Variants in CEP95 observed in about 807,000 individuals in gnomAD.
The protein encoded by CEP95 is centrosomal protein of 95 kDa.
In CEP95, 98 loss-of-function variants were observed where a neutral mutation model predicts 111.2. That is an observed-to-expected ratio of 0.88 (90% CI 0.75 to 1.04). The LOEUF (loss-of-function observed/expected upper bound fraction) is 1.04, where lower values mean the gene tolerates loss of function less well. CEP95 is among the 50% of genes least tolerant of loss of function. The pLI is 0.00. For synonymous variants in CEP95, 323 were observed against 327.1 expected, an observed-to-expected ratio of 0.99 and a Z score of 0.14; for missense variants, 1,027 against 977.2, an observed-to-expected ratio of 1.05 and a Z score of -0.68.
At chr17:64,511,251 C>T (rs1454266915) in intron 3 of CEP95, among the ~76,000 whole-genome samples, 2 of 152,168 alleles carry the variant, frequency 1.3e-5, no homozygotes, top group African/African-American at 2.4e-5. Flanking sequence ...AGCAACCTGT[C>T]TGACCAAAAT....
intron 7 of CEP95, among the ~76,000 whole-genome samples, chr17:64,522,070 C>G: frequency 6.6e-6 from 1 of 152,108 alleles, no homozygotes; most frequent in South Asian, 2.1e-4. Flanking sequence ...CCAGGCTGGT[C>G]TCGAACTCAT....
chr17:64,530,015 A>G (rs1353582109), intron 12 of CEP95, among the ~76,000 whole-genome samples: 1 of 152,240 alleles, frequency 6.6e-6, no homozygotes, highest in Non-Finnish European at 1.5e-5. Flanking sequence ...CACTCAGGAG[A>G]GTATCAAAAT....
Position 64,536,632 on chromosome 17 carries a change from AACATTCAAAAGC to A in CEP95, c.2103_2114del (p.Asn701_Gln705delinsLys). On this transcript the variant is annotated inframe_deletion, in exon 18 of 20. Coordinates refer to ENST00000556440, the MANE Select transcript of CEP95 (RefSeq NM_138363.3). ...TAAGAAACTGTTTGAAGAAGGTTTA[AACATTCAAAAGC>A]AAAGATTACGAGACCTAAGAAACTA... 1 of 1,603,772 alleles carries A rather than the reference AACATTCAAAAGC, an allele frequency of 6.2e-7. No homozygotes were observed. Among genetic ancestry groups the A allele is most frequent in the South Asian group, 1.1e-5 (1 of 88,528 alleles).
At chr17:64,528,563 A>C (rs2144504863) in intron 11 of CEP95, among the ~76,000 whole-genome samples, 1 of 152,360 alleles carries the variant, frequency 6.6e-6, no homozygotes, top group South Asian at 2.1e-4. Flanking sequence ...AGTTTTTAAA[A>C]ATACATCTTA....
Position 64,507,015 on chromosome 17 carries a change from T to C in CEP95, c.-83T>C. 6.6e-7 allele frequency: 1 copy of C among 1,506,148 alleles called. No homozygotes were observed. The highest frequency in any genetic ancestry group is 9.0e-7 in the Non-Finnish European group (1 of 1,106,612). The allele number at this position is 1,506,148 out of a possible 1,614,324, so 93.3% of individuals were successfully genotyped here. On this transcript the variant is annotated 5_prime_UTR_variant, in exon 1 of 20. Transcript: ENST00000556440. ...TGGTTCGTGCGTCCGCGCCCCAGTG[T>C]CGGGTCTGCGTGGATCGGTCCTTCC...
intron 13 of CEP95, 152 bp downstream of exon 13, chr17:64,531,170 C>CTTATTAATAAGGCATTCAGGT (rs1968251108): frequency 4.5e-6 from 2 of 444,152 alleles, no homozygotes; most frequent in Non-Finnish European, 7.9e-6. Flanking sequence ...ACAGGACTTG[C>CTTATTAATAAGGCATTCAGGT]TTATTAATAA....
At position 64,532,889 on chromosome 17, in the gene CEP95, T is replaced by G. The variant is rs782557048; in HGVS notation, c.1723T>G (p.Phe575Val). The change falls in exon 15 of 20, where the codon TTT (phenylalanine) becomes GTT (valine). Residue 575 changes from phenylalanine (F) to valine (V), a missense_variant. Phe to Val is a conservative substitution (Grantham distance 50). Coordinates refer to ENST00000556440, the MANE Select transcript of CEP95 (RefSeq NM_138363.3). The part of the protein sequence containing the change: ...LLPLMLEQFP[F>V]LYVSGPTLSK... ...GCCCCTTATGCTGGAGCAGTTTCCG[T>G]TTCTTTATGTTTCTGGCCCAACACT... 1 of 1,613,832 alleles carries G rather than the reference T, an allele frequency of 6.2e-7. No individual in the cohort carries two copies.
chr17:64,525,086 A>G (rs1967695179), intron 8 of CEP95, among the ~76,000 whole-genome samples: 1 of 151,982 alleles, frequency 6.6e-6, no homozygotes, highest in Non-Finnish European at 1.5e-5. Flanking sequence ...CATGCCTGTA[A>G]TCCCAGCACT....
intron 8 of CEP95, among the ~76,000 whole-genome samples, 191 bp downstream of exon 8, chr17:64,523,086 C>T (rs538148509): frequency 5.3e-5 from 8 of 152,230 alleles, no homozygotes; most frequent in Admixed American, 3.9e-4. Context: ...GTCAAAGCAT[C>T]GTACTCCTTA....
chr17:64,508,576 C>G lies in CEP95; in HGVS notation c.20-16C>G. 7.3e-7 allele frequency: 1 copy of G among 1,363,978 alleles called. No homozygotes were observed. The highest frequency in any genetic ancestry group is 9.6e-7 in the Non-Finnish European group (1 of 1,045,352). The allele number at this position is 1,363,978 out of a possible 1,614,324, so 84.5% of individuals were successfully genotyped here. Reference sequence around the variant, plus strand: ...GGTGGTTTTTAAGACTGATCTTTCCCCCTTTTTCCCAACAGAGTGGGTAAC... The same window carrying G: ...GGTGGTTTTTAAGACTGATCTTTCCGCCTTTTTCCCAACAGAGTGGGTAAC... On this transcript the variant is annotated splice_polypyrimidine_tract_variant and intron_variant, in intron 1 of 19. Transcript: ENST00000556440.
chr17:64,529,398 G>A lies in CEP95; in HGVS notation c.1417G>A (p.Glu473Lys). The change falls in exon 12 of 20, where the codon GAA becomes AAA. Residue 473 changes from glutamate (E) to lysine (K), a missense_variant. Physicochemically the swap from Glu to Lys is moderately conservative, Grantham distance 56. Transcript: ENST00000556440. ...GAGAAAAAGGCAGCGCAAGCCAAGA[G>A]AAACAGATGTCCGCCAATTCCAAGC... is the stretch of plus-strand genomic sequence containing the variant. ...LERKRQRKPR[E>K]TDVRQFQAQA... The A allele has an allele frequency of 6.2e-7, 1 of 1,613,800 alleles. No individual in the cohort carries two copies. Among genetic ancestry groups the A allele is most frequent in the South Asian group, 1.1e-5 (1 of 91,060 alleles).
Position 64,537,587 on chromosome 17 carries a change from T to TG in CEP95, c.2290-15dup. On this transcript the variant is annotated splice_polypyrimidine_tract_variant and intron_variant, in intron 19 of 19. Coordinates refer to ENST00000556440, the MANE Select transcript of CEP95 (RefSeq NM_138363.3). ...AAATGCTGTGAACAGCGGGATGACA[T>TG]GCCTTCTTTTTTCAGACATTACATA... The TG allele has an allele frequency of 6.3e-7, 1 of 1,577,330 alleles. No homozygotes were observed. Among genetic ancestry groups the TG allele is most frequent in the Non-Finnish European group, 8.6e-7 (1 of 1,156,560 alleles).
intron 11 of CEP95, 113 bp from the exon 12 acceptor site, chr17:64,529,175 C>T (rs1292807130): frequency 3.3e-6 from 3 of 905,302 alleles, no homozygotes; most frequent in South Asian, 3.5e-5. Flanking sequence ...GAGAGAGTCC[C>T]TTTAGCACAT....
In CEP95 at chr17:64,536,707, C is replaced by T; in HGVS notation, c.2176C>T (p.Gln726Ter). The T allele has an allele frequency of 1.2e-6, 2 of 1,612,656 alleles. No individual in the cohort carries two copies. The highest frequency in any genetic ancestry group is 1.7e-6 in the Non-Finnish European group (2 of 1,179,482). Reference protein sequence around the residue: ...EKRDEQRRRHQDELDSMENYY... With the variant: ...EKRDEQRRRH ...GCGAGATGAACAAAGGAGACGCCAC[C>T]AGGATGAACTGGACTCCATGGAGAA... The change falls in exon 18 of 20, where the codon CAG (glutamine) becomes TAG (stop). Residue 726 changes from glutamine (Q) to a stop codon, truncating the protein, a stop_gained. Coordinates refer to ENST00000556440, the MANE Select transcript of CEP95 (RefSeq NM_138363.3). LOFTEE classifies it high-confidence loss of function.
intron 19 of CEP95, 62 bp downstream of exon 19, chr17:64,537,174 C>T (rs1436137403): frequency 3.2e-6 from 5 of 1,578,660 alleles, no homozygotes; most frequent in Non-Finnish European, 4.3e-6. Flanking sequence ...CAGCAAGGGA[C>T]CTCGTACATT....
At chr17:64,537,374 A>G in intron 19 of CEP95, 4 of 1,401,224 alleles carry the variant, frequency 2.9e-6, no homozygotes, top group Non-Finnish European at 3.7e-6. Flanking sequence ...AACCAAATGT[A>G]TTATACCTGT....
intron 5 of CEP95, among the ~76,000 whole-genome samples, chr17:64,518,288 T>C (rs1409290242): frequency 1.1e-4 from 17 of 152,248 alleles, no homozygotes; most frequent in Admixed American, 2.0e-4. Flanking sequence ...TTTTTAAATA[T>C]TATCAAAAAC....
At chr17:64,517,083 G>T (rs1372005913) in intron 5 of CEP95, among the ~76,000 whole-genome samples, 1 of 151,536 alleles carries the variant, frequency 6.6e-6, no homozygotes. Context: ...GTCTCATTCT[G>T]TTGCCCAGGC....
intron 19 of CEP95, chr17:64,537,324 T>G (rs1968727709): frequency 2.1e-6 from 3 of 1,405,888 alleles, no homozygotes; most frequent in Admixed American, 3.2e-5. Context: ...TCTCCATCAT[T>G]AAGTGACACA....
Sources: gnomAD v4.1 joint callset for allele counts (sites outside exome capture counted in the v4.1 genomes callset) on GRCh38, gnomAD v4.1.1 for gene constraint, MANE v1.5 for transcripts, NCBI Gene and HGNC (gene_info 2026-07-23, HGNC 2026-07-21) for gene names.